The following EPS8L2 variants were observed in gnomAD, a reference collection of about 807,000 sequenced individuals.
EPS8L2 encodes epidermal growth factor receptor kinase substrate 8-like protein 2.
In EPS8L2, 81 loss-of-function variants were observed where a neutral mutation model predicts 99.4. The observed-to-expected ratio is 0.82, with a 90% CI of 0.68 to 0.98. The LOEUF (loss-of-function observed/expected upper bound fraction) is 0.98. Among genes scored for constraint, EPS8L2 ranks in the 50% least tolerant of loss-of-function variants. EPS8L2 has a pLI of 0.00. For synonymous variants in EPS8L2, 509 were observed against 407.3 expected (o/e 1.25, Z -3.01); for missense variants, 1,155 against 968.8 (o/e 1.19, Z -2.55).
intron 15 of EPS8L2, among the ~76,000 whole-genome samples, chr11:723,624 T>A (rs1862247751): frequency 6.6e-6 from 1 of 152,196 alleles, no homozygotes; most frequent in Non-Finnish European, 1.5e-5. Flanking sequence ...GGTTAGAAAC[T>A]ACTAAACCAC....
chr11:720,546 C>A, intron 5 of EPS8L2, 51 bp from the exon 6 acceptor site: 1 of 1,566,766 alleles, frequency 6.4e-7, no homozygotes. Flanking sequence ...CACTCCCTGC[C>A]AGAGTGCCCA....
chr11:726,766 G>A lies in EPS8L2; in HGVS notation c.2067+15G>A. The A allele has an allele frequency of 6.3e-7, 1 of 1,585,020 alleles. No individual in the cohort carries two copies. Among genetic ancestry groups the A allele is most frequent in the Non-Finnish European group, 8.6e-7 (1 of 1,167,322 alleles). On this transcript the variant is annotated intron_variant, in intron 20 of 20. Coordinates refer to ENST00000318562, the MANE Select transcript of EPS8L2 (RefSeq NM_022772.4). ...CCTTCCTGGAGGTGAGCCCGCCTGC[G>A]CTCCGGCGCCACGCCCCTCCTGCCC...
In EPS8L2 at chr11:727,659, C is replaced by CT. The variant is rs1198250084; in HGVS notation, c.*679dup. On this transcript the variant is annotated 3_prime_UTR_variant, in exon 21 of 21. Transcript: ENST00000318562. ...TGTGTCTTGGTGCCTGGACTTGAGT[C>CT]TCACCCTACAGATGAGAGGTGGCTG... 1 of 153,086 alleles carries CT rather than the reference C, an allele frequency of 6.5e-6. No individual in the cohort carries two copies. The highest frequency in any genetic ancestry group is 2.4e-5 in the African/African-American group (1 of 41,456). The allele number at this position is 153,086 out of a possible 1,614,324, so 9.5% of individuals were successfully genotyped here. A position where few individuals can be genotyped will look rare whatever the true frequency, so the allele number is the denominator to read the frequency against.
chr11:708,470 C>T (rs1251052022), intron 1 of EPS8L2: 1 of 152,248 alleles, frequency 6.6e-6, no homozygotes, highest in Non-Finnish European at 1.5e-5. Flanking sequence ...AGGCCAGAGG[C>T]ACCTGCCCCA....
rs759969368 is a variant in EPS8L2, at chr11:722,385, C to T, written c.1060-16C>T. Reference sequence around the variant, plus strand: ...TCTGTGGGCCTCAGTCCCCTCTGAACCTCACTGTGCCCCAGATCGTCAACA... The same window carrying T: ...TCTGTGGGCCTCAGTCCCCTCTGAATCTCACTGTGCCCCAGATCGTCAACA... On this transcript the variant is annotated splice_polypyrimidine_tract_variant and intron_variant, in intron 12 of 20. Transcript: ENST00000318562. 1.9e-6 allele frequency: 3 copies of T among 1,611,718 alleles called. No homozygotes were observed. Among genetic ancestry groups the T allele is most frequent in the Non-Finnish European group, 2.5e-6 (3 of 1,179,416 alleles).
At chr11:713,035 A>G (rs1385030183) in intron 4 of EPS8L2, among the ~76,000 whole-genome samples, 2 of 146,238 alleles carry the variant, frequency 1.4e-5, no homozygotes, top group African/African-American at 2.5e-5. Flanking sequence ...TCGTCTGCCC[A>G]GAGGCCAACA....
intron 4 of EPS8L2, among the ~76,000 whole-genome samples, chr11:716,249 T>C (rs558137668): frequency 1.8e-4 from 27 of 151,204 alleles, no homozygotes; most frequent in East Asian, 1.2e-3. Flanking sequence ...CCCAGGTTCA[T>C]GCCATTCTCC....
chr11:722,151 G>T lies in EPS8L2; in HGVS notation c.1045G>T (p.Gly349Trp). ...SAAELVHFLF[G>W]PLDLIVNTCS... The stretch of plus-strand genomic sequence containing the variant: ...CGCGGAGCTCGTGCACTTCCTCTTC[G>T]GGCCTCTGGACCTGGTGCCTGGGGC... Residue 349 changes from glycine (G) to tryptophan (W), a missense_variant, in exon 12 of 21, where the codon GGG becomes TGG. Transcript: ENST00000318562. 6.2e-7 allele frequency: 1 copy of T among 1,612,664 alleles called. No homozygotes were observed. The highest frequency in any genetic ancestry group is 8.5e-7 in the Non-Finnish European group (1 of 1,179,796).
chr11:726,492 G>T lies in EPS8L2; in HGVS notation c.1934+8G>T. 1 of 1,546,762 alleles carries T rather than the reference G, an allele frequency of 6.5e-7. No individual in the cohort carries two copies. Among genetic ancestry groups the T allele is most frequent in the Non-Finnish European group, 8.7e-7 (1 of 1,145,736 alleles). ...CAAGGCCTTCAGCCCGCGGTGAGCG[G>T]GGGCGGGGGATGAGCTGGGGCCCGG... On this transcript the variant is annotated splice_region_variant and intron_variant, in intron 19 of 20. Coordinates refer to ENST00000318562, the MANE Select transcript of EPS8L2 (RefSeq NM_022772.4).
chr11:718,151 G>A (rs1398859890), intron 4 of EPS8L2, among the ~76,000 whole-genome samples: 3 of 152,170 alleles, frequency 2.0e-5, no homozygotes, highest in Non-Finnish European at 4.4e-5. Context: ...TGGCCAACAT[G>A]GAGAAACCTT....
rs558353529 is a variant in EPS8L2 at position 722,992 on chromosome 11, C to T, written c.1341+187C>T. Among the ~76,000 whole-genome samples the T allele has an allele frequency of 1.2e-3, 111 of 91,478 alleles. 4 individuals carry two copies. The Admixed American group carries it at 0.012, about 10-fold the overall frequency. 60.0% of individuals were successfully genotyped at this position (91,478 alleles called of 152,430 possible). On this transcript the variant is annotated intron_variant, in intron 14 of 20. Coordinates refer to ENST00000318562, the MANE Select transcript of EPS8L2 (RefSeq NM_022772.4). ...TCCCCAGAGCTCCCCTCCCCGGCCCCGACACCCACCCCTCCCCAGAGCTCC... is the reference window on the plus strand; with the variant it reads ...TCCCCAGAGCTCCCCTCCCCGGCCCTGACACCCACCCCTCCCCAGAGCTCC...
At position 726,939 on chromosome 11, in the gene EPS8L2, C is replaced by T. The variant is rs1862346996; in HGVS notation, c.2106C>T (p.Asn702=). 1.2e-6 allele frequency: 2 copies of T among 1,613,334 alleles called. No homozygotes were observed. The highest frequency in any genetic ancestry group is 1.7e-6 in the Non-Finnish European group (2 of 1,179,932). ...QSGSELEELM[N]KFHSMNQRRG... The stretch of plus-strand genomic sequence containing the variant: ...GGTCGGAGCTGGAAGAACTCATGAA[C>T]AAGTTTCATTCCATGAATCAGAGGA... The change falls in exon 21 of 21, where the codon AAC becomes AAT. Residue 702 remains asparagine (N), a synonymous_variant. Transcript: ENST00000318562.
intron 16 of EPS8L2, among the ~76,000 whole-genome samples, chr11:725,187 G>A (rs1228687558): frequency 1.3e-5 from 2 of 152,210 alleles, no homozygotes. Context: ...ACCCACTGGG[G>A]GACAGAAAGT....
chr11:725,255 G>A (rs1226880424), intron 16 of EPS8L2, among the ~76,000 whole-genome samples: 1 of 152,250 alleles, frequency 6.6e-6, no homozygotes, highest in Non-Finnish European at 1.5e-5. Context: ...GCTCACGCCT[G>A]TAACCGCAGC....
intron 15 of EPS8L2, among the ~76,000 whole-genome samples, chr11:723,812 C>T (rs1375845803): frequency 6.7e-6 from 1 of 150,030 alleles, no homozygotes; most frequent in Non-Finnish European, 1.5e-5. Flanking sequence ...AAGCCTATGG[C>T]ACTAGGGGAG....
chr11:715,947 G>A (rs559004296), intron 4 of EPS8L2, among the ~76,000 whole-genome samples: 16 of 146,430 alleles, frequency 1.1e-4, no homozygotes, highest in African/African-American at 3.8e-4. Context: ...CCTGCTTAAG[G>A]TGAAACCTTA....
chr11:716,194 G>A (rs974625724), intron 4 of EPS8L2, among the ~76,000 whole-genome samples: 5 of 150,886 alleles, frequency 3.3e-5, no homozygotes, highest in Non-Finnish European at 7.4e-5. Context: ...TGTCACCCAG[G>A]CTGGAGTGCA....
intron 14 of EPS8L2, 54 bp from the exon 15 acceptor site, chr11:723,187 C>A: frequency 1.1e-6 from 1 of 923,742 alleles, no homozygotes; most frequent in Non-Finnish European, 1.7e-6. Flanking sequence ...GCCCCCTCGT[C>A]CTGGGACCCA....
chr11:723,766 C>G (rs1862251396), intron 15 of EPS8L2, among the ~76,000 whole-genome samples: 1 of 151,970 alleles, frequency 6.6e-6, no homozygotes, highest in Non-Finnish European at 1.5e-5. Flanking sequence ...CTCCTCCCAC[C>G]CCCAGCCCCA....
Sources: gnomAD v4.1 joint callset for allele counts (sites outside exome capture counted in the v4.1 genomes callset) on GRCh38, gnomAD v4.1.1 for gene constraint, MANE v1.5 for transcripts, NCBI Gene and HGNC (gene_info 2026-07-23, HGNC 2026-07-21) for gene names.